Variants in RITA1 observed in about 807,000 individuals in gnomAD.
The protein encoded by RITA1 is RBPJ interacting and tubulin associated 1.
RITA1 carries 15 observed loss-of-function variants against 8.7 expected under a neutral mutation model. That is an observed-to-expected ratio of 1.72 (90% confidence interval 1.15 to 2.65). The LOEUF is 2.65. Ranked by LOEUF, RITA1 falls within the 30% of genes most tolerant of loss-of-function variation. The pLI, the probability that RITA1 is intolerant of heterozygous loss-of-function variation, is 0.00. For synonymous variants in RITA1, 145 were observed against 156.2 expected, an observed-to-expected ratio of 0.93 and a Z score of 0.53; for missense variants, 330 against 363.8, an observed-to-expected ratio of 0.91 and a Z score of 0.76.
intron 3 of RITA1, among the ~76,000 whole-genome samples, chr12:113,190,261 G>A (rs544698366): frequency 6.6e-6 from 1 of 150,678 alleles, no homozygotes; most frequent in African/African-American, 2.4e-5. Flanking sequence ...GAACCCAGGA[G>A]GCGGAGGTTG....
Position 113,185,915 on chromosome 12 carries a change from A to G in RITA1, c.-303A>G. 2 of 1,481,502 alleles carry G rather than the reference A, an allele frequency of 1.3e-6. No individual in the cohort carries two copies. Among genetic ancestry groups the G allele is most frequent in the African/African-American group, 2.8e-5 (2 of 71,830 alleles). The allele number at this position is 1,481,502 out of a possible 1,614,324, so 91.8% of individuals were successfully genotyped here. ...GGCTGCAGATTGACGGGGATCCCGG[A>G]TGCACCGCGCGCCCCCGCGCCCTCA... On this transcript the variant is annotated 5_prime_UTR_variant, in exon 1 of 4. An upstream start codon of the reference 5' UTR is lost. Transcript: ENST00000548278.
At chr12:113,190,330 T>C (rs2136335516) in intron 3 of RITA1, among the ~76,000 whole-genome samples, 1 of 150,824 alleles carries the variant, frequency 6.6e-6, no homozygotes, top group South Asian at 2.1e-4. Flanking sequence ...AGACTCTGTC[T>C]CAGAAAAAAA....
chr12:113,187,651 G>C (rs1045001113), intron 3 of RITA1, among the ~76,000 whole-genome samples: 1 of 151,452 alleles, frequency 6.6e-6, no homozygotes, highest in Non-Finnish European at 1.5e-5. Flanking sequence ...CCAGCTCCCG[G>C]GAGGCTGAGG....
intron 3 of RITA1, among the ~76,000 whole-genome samples, chr12:113,189,033 C>G (rs1463174214): frequency 6.6e-6 from 1 of 151,748 alleles, no homozygotes; most frequent in African/African-American, 2.4e-5. Flanking sequence ...TGGTCTCAAA[C>G]TCCTGAGCTC....
chr12:113,191,829 C>T lies in RITA1; in HGVS notation c.*12C>T. On this transcript the variant is annotated 3_prime_UTR_variant, in exon 4 of 4. Coordinates refer to ENST00000548278, the MANE Select transcript of RITA1 (RefSeq NM_032848.3). This position sits in a 1 kb window ranked among gnomAD's most constrained non-coding sequence, Gnocchi z 4.0. ...CCCCTTGGAAATGATACTCTTTCATCAGGGTTGCCTATGGGGCCACGGCGA... is the reference window on the plus strand; with the variant it reads ...CCCCTTGGAAATGATACTCTTTCATTAGGGTTGCCTATGGGGCCACGGCGA... 7 of 1,585,018 alleles carry T rather than the reference C, an allele frequency of 4.4e-6. No individual in the cohort carries two copies. Among genetic ancestry groups the T allele is most frequent in the Non-Finnish European group, 6.0e-6 (7 of 1,163,746 alleles).
In RITA1 at chr12:113,187,899, A is replaced by T. The variant is rs1373571224; in HGVS notation, c.302+851A>T. On this transcript the variant is annotated intron_variant, in intron 3 of 3. Transcript: ENST00000548278. ...ATTATTTGGACTGTTTCAGATTAAT[A>T]TCAGCCTGGAGGGAGGTGTCTAGTG... Among the ~76,000 whole-genome samples, 5 of 152,228 alleles carry T rather than the reference A, an allele frequency of 3.3e-5. No homozygotes were observed. In the East Asian group the frequency reaches 7.7e-4, roughly 23 times the overall value.
Position 113,191,214 on chromosome 12 carries a change from C to G in RITA1, c.303-96C>G. 3 of 1,444,394 alleles carry G rather than the reference C, an allele frequency of 2.1e-6. No individual in the cohort carries two copies. Among genetic ancestry groups the G allele is most frequent in the South Asian group, 2.9e-5 (2 of 68,608 alleles). 89.5% of individuals were successfully genotyped at this position (1,444,394 alleles called of 1,614,324 possible). On this transcript the variant is annotated intron_variant, in intron 3 of 3. Coordinates refer to ENST00000548278, the MANE Select transcript of RITA1 (RefSeq NM_032848.3). The surrounding 1 kb of genome is among the most constrained non-coding windows in gnomAD (Gnocchi z 4.0). ...CTCCTGGGATCTGCAGGCAACCCTC[C>G]TCTGCTGCTGCCATCCCAGGGTGGG...
intron 3 of RITA1, among the ~76,000 whole-genome samples, chr12:113,188,826 T>G (rs1419571319): frequency 1.4e-4 from 17 of 124,616 alleles, no homozygotes; most frequent in Admixed American, 9.0e-4. Context: ...TTTTTTTTTT[T>G]TTGAGATGGA....
At chr12:113,186,133 G>T in intron 1 of RITA1, 52 bp from the exon 2 acceptor site, 1 of 1,468,166 alleles carries the variant, frequency 6.8e-7, no homozygotes, top group Non-Finnish European at 9.2e-7. Flanking sequence ...CCCGATAGCA[G>T]TGTAGCCAAG....
At chr12:113,190,820 G>C (rs1049808545) in intron 3 of RITA1, among the ~76,000 whole-genome samples, 1 of 152,228 alleles carries the variant, frequency 6.6e-6, no homozygotes, top group Non-Finnish European at 1.5e-5. Context: ...CCTTAGTGCT[G>C]CTTTTCCCTG....
chr12:113,188,859 G>A (rs1323018258), intron 3 of RITA1, among the ~76,000 whole-genome samples: 11 of 127,830 alleles, frequency 8.6e-5, no homozygotes, highest in African/African-American at 3.3e-4. Flanking sequence ...CGCCCAGGCT[G>A]GAGTGCAGTG....
chr12:113,186,707 C>T lies in RITA1; in HGVS notation c.-40C>T, dbSNP rs1483297110. Reference sequence around the variant, plus strand: ...GGGAGCCTCGGAAGCAGGGCCTGGCCGGCAGAGCACACCTGCTGTCACCAG... The same window carrying T: ...GGGAGCCTCGGAAGCAGGGCCTGGCTGGCAGAGCACACCTGCTGTCACCAG... On this transcript the variant is annotated 5_prime_UTR_variant, in exon 3 of 4. Coordinates refer to ENST00000548278, the MANE Select transcript of RITA1 (RefSeq NM_032848.3). 1.2e-6 allele frequency: 2 copies of T among 1,601,924 alleles called. No homozygotes were observed. Among genetic ancestry groups the T allele is most frequent in the African/African-American group, 1.3e-5 (1 of 74,684 alleles).
In RITA1 at chr12:113,191,961, C is replaced by T. The variant is rs528139015; in HGVS notation, c.*144C>T. 21 of 1,053,974 alleles carry T rather than the reference C, an allele frequency of 2.0e-5. No homozygotes were observed. Among genetic ancestry groups the T allele is most frequent in the Non-Finnish European group, 2.7e-5 (20 of 744,344 alleles). The allele number at this position is 1,053,974 out of a possible 1,614,324, so 65.3% of individuals were successfully genotyped here. A position where few individuals can be genotyped will look rare whatever the true frequency, so the allele number is the denominator to read the frequency against. On this transcript the variant is annotated 3_prime_UTR_variant, in exon 4 of 4. Transcript: ENST00000548278. The surrounding 1 kb of genome is among the most constrained non-coding windows in gnomAD (Gnocchi z 4.0). ...ACAGACATAGCAGGGGTGGGCAGTG[C>T]CTCCCTTTATCCTGACAATCTCTAG...
chr12:113,185,930 C>CCGCGCCCT lies in RITA1; in HGVS notation c.-286_-279dup. 1 of 1,511,070 alleles carries CCGCGCCCT rather than the reference C, an allele frequency of 6.6e-7. No individual in the cohort carries two copies. The highest frequency in any genetic ancestry group is 1.2e-5 in the South Asian group (1 of 83,326). The allele number at this position is 1,511,070 out of a possible 1,614,324, so 93.6% of individuals were successfully genotyped here. On this transcript the variant is annotated 5_prime_UTR_variant, in exon 1 of 4. An upstream open reading frame in the 5' UTR loses its in-frame stop. Coordinates refer to ENST00000548278, the MANE Select transcript of RITA1 (RefSeq NM_032848.3). The stretch of plus-strand genomic sequence containing the variant: ...GGGATCCCGGATGCACCGCGCGCCC[C>CCGCGCCCT]CGCGCCCTCACCGACGGGTCCAGAC...
chr12:113,186,252 A>T lies in RITA1; in HGVS notation c.-129A>T. 7.1e-7 allele frequency: 1 copy of T among 1,404,704 alleles called. No individual in the cohort carries two copies. The highest frequency in any genetic ancestry group is 1.5e-5 in the South Asian group (1 of 67,232). 87.0% of individuals were successfully genotyped at this position (1,404,704 alleles called of 1,614,324 possible). On this transcript the variant is annotated 5_prime_UTR_variant, in exon 2 of 4. Transcript: ENST00000548278. ...GTGATCCGTAAAATGGACAAATTCG[A>T]AGCTACTTCACAGTGCTGTTGAGAG...
Position 113,192,113 on chromosome 12 carries a change from CA to C in RITA1, c.*297del. On this transcript the variant is annotated 3_prime_UTR_variant, in exon 4 of 4. Coordinates refer to ENST00000548278, the MANE Select transcript of RITA1 (RefSeq NM_032848.3). ...GGGGCCTGGCACCTCCCACATCATC[CA>C]TTGTCTTGCTGCCAAGTGCGAATAA... 1 of 352,816 alleles carries C rather than the reference CA, an allele frequency of 2.8e-6. No homozygotes were observed. Among genetic ancestry groups the C allele is most frequent in the East Asian group, 5.1e-5 (1 of 19,698 alleles). 21.9% of individuals were successfully genotyped at this position (352,816 alleles called of 1,614,324 possible).
chr12:113,191,165 A>G lies in RITA1; in HGVS notation c.303-145A>G. ...GCTTAAGAGGCTGTGGCCTCGCTGT[A>G]GGTTTCAGACTGGGAGACAAGGACT... On this transcript the variant is annotated intron_variant, in intron 3 of 3. Transcript: ENST00000548278. The surrounding 1 kb of genome is among the most constrained non-coding windows in gnomAD (Gnocchi z 4.0). 1 of 1,066,826 alleles carries G rather than the reference A, an allele frequency of 9.4e-7. No homozygotes were observed. 66.1% of individuals were successfully genotyped at this position (1,066,826 alleles called of 1,614,324 possible). A position where few individuals can be genotyped will look rare whatever the true frequency, so the allele number is the denominator to read the frequency against.
At chr12:113,186,400 A>C in intron 2 of RITA1, 84 bp downstream of exon 2, 1 of 1,365,704 alleles carries the variant, frequency 7.3e-7, no homozygotes, top group Non-Finnish European at 9.4e-7. Context: ...CTACCACCAT[A>C]GTGTGTTTTC....
rs141982884 is a variant in RITA1 at position 113,191,635 on chromosome 12, A to C, written c.628A>C (p.Thr210Pro). The change falls in exon 4 of 4, where the codon ACT becomes CCT. Residue 210 changes from threonine (T) to proline (P), a missense_variant. Coordinates refer to ENST00000548278, the MANE Select transcript of RITA1 (RefSeq NM_032848.3). This position sits in a 1 kb window ranked among gnomAD's most constrained non-coding sequence, Gnocchi z 4.0. ...HSLTHLNVPS[T>P]GHPATSAPHT... ...CCTCACCCACCTGAATGTCCCCAGC[A>C]CTGGTCATCCAGCCACCAGTGCCCC... is the stretch of plus-strand genomic sequence containing the variant. The C allele has an allele frequency of 9.1e-4, 1,473 of 1,614,104 alleles. 14 individuals are homozygous for C. The African/African-American group carries it at 0.018, about 19-fold the overall frequency.
Sources: gnomAD v4.1 joint callset for allele counts (sites outside exome capture counted in the v4.1 genomes callset) on GRCh38, gnomAD v4.1.1 for gene constraint, Gnocchi (gnomAD v3.1) non-coding constraint, MANE v1.5 for transcripts, NCBI Gene and HGNC (gene_info 2026-07-23, HGNC 2026-07-21) for gene names.